The following TAS1R2 variants were observed in gnomAD, a reference collection of about 807,000 sequenced individuals.
TAS1R2 encodes taste 1 receptor member 2.
Under a neutral mutation model 49.3 loss-of-function variants are expected in TAS1R2, and 47 were observed. The ratio of observed to expected loss-of-function variants is 0.95; its 90% CI spans 0.75 to 1.22. The LOEUF (loss-of-function observed/expected upper bound fraction) is 1.22. Ranked by LOEUF, TAS1R2 falls within the 50% of genes most tolerant of loss-of-function variation. The probability of loss-of-function intolerance (pLI) is 0.00; values close to 1 mark genes in which losing one functional copy is unlikely to be tolerated. For missense variants in TAS1R2, 1,155 were observed against 1,122.1 expected (o/e 1.03, Z -0.42); for synonymous variants, 479 against 467.9 (o/e 1.02, Z -0.31).
chr1:18,841,984 G>C, intron 4 of TAS1R2, 132 bp from the exon 5 acceptor site: 112 of 340,542 alleles, frequency 3.3e-4, no homozygotes, highest in Non-Finnish European at 2.9e-4. Flanking sequence ...GGAAACTGTA[G>C]AAAAAAAAAA....
chr1:18,849,877 G>C (rs1933990634), intron 3 of TAS1R2, among the ~76,000 whole-genome samples: 1 of 152,138 alleles, frequency 6.6e-6, no homozygotes, highest in Admixed American at 6.5e-5. Context: ...CAAAAAATAA[G>C]TTCATCTATG....
intron 4 of TAS1R2, among the ~76,000 whole-genome samples, chr1:18,843,008 ATACTT>A (rs1933855363): frequency 6.6e-6 from 1 of 152,254 alleles, no homozygotes; most frequent in African/African-American, 2.4e-5. Flanking sequence ...AGTGAAAACA[ATACTT>A]AAGAGGGAAA....
chr1:18,842,604 C>T (rs920122442), intron 4 of TAS1R2, among the ~76,000 whole-genome samples: 1 of 152,112 alleles, frequency 6.6e-6, no homozygotes, highest in Non-Finnish European at 1.5e-5. Context: ...ACAACATACC[C>T]TTAAATAACA....
intron 2 of TAS1R2, 144 bp from the exon 3 acceptor site, chr1:18,855,130 C>T (rs1934116588): frequency 9.8e-7 from 1 of 1,015,664 alleles, no homozygotes; most frequent in South Asian, 1.7e-5. Context: ...CGTCAATCAT[C>T]ATGGTCCCCA....
chr1:18,848,104 G>C (rs1933954759), intron 4 of TAS1R2, among the ~76,000 whole-genome samples: 1 of 152,150 alleles, frequency 6.6e-6, no homozygotes, highest in Admixed American at 6.6e-5. Flanking sequence ...GATTTGGGTG[G>C]GGACACAGAG....
intron 4 of TAS1R2, among the ~76,000 whole-genome samples, chr1:18,844,376 G>A (rs920489942): frequency 2.6e-5 from 4 of 152,206 alleles, no homozygotes; most frequent in Non-Finnish European, 5.9e-5. Flanking sequence ...ATGAGAGTGA[G>A]CACAAAGCAT....
chr1:18,859,368 A>G, intron 1 of TAS1R2, 111 bp downstream of exon 1: 1 of 1,292,906 alleles, frequency 7.7e-7, no homozygotes, highest in Admixed American at 1.9e-5. Context: ...ATGAATGGGG[A>G]GGAGTGCTTT....
intron 3 of TAS1R2, among the ~76,000 whole-genome samples, chr1:18,852,292 G>A (rs1934043847): frequency 6.6e-6 from 1 of 152,214 alleles, no homozygotes; most frequent in Non-Finnish European, 1.5e-5. Context: ...TGCAGGTTGA[G>A]CCCTTCATGA....
At chr1:18,859,418 A>G in intron 1 of TAS1R2, 61 bp downstream of exon 1, 4 of 1,597,580 alleles carry the variant, frequency 2.5e-6, no homozygotes, top group Non-Finnish European at 3.4e-6. Flanking sequence ...GACCCACAGG[A>G]CCAGGCCTGG....
exon 4 of TAS1R2, chr1:18,849,399 G>T: frequency 6.2e-7 from 1 of 1,614,182 alleles, no homozygotes. Flanking sequence ...TCGCTGCAGG[G>T]GGTAGTAGGA....
At chr1:18,853,635 A>G (rs1934071440) in intron 3 of TAS1R2, among the ~76,000 whole-genome samples, 1 of 152,196 alleles carries the variant, frequency 6.6e-6, no homozygotes, top group African/African-American at 2.4e-5. Context: ...AAACTGTGAA[A>G]AAGCCAAGGA....
At position 18,854,266 on chromosome 1, in the gene TAS1R2, G is replaced by A; in HGVS notation, c.1204C>T (p.Leu402Phe). 1 of 1,614,200 alleles carries A rather than the reference G, an allele frequency of 6.2e-7. No individual in the cohort carries two copies. The highest frequency in any genetic ancestry group is 1.6e-4 in the Middle Eastern group (1 of 6,062). Residue 402 changes from leucine (L) to phenylalanine (F), a missense_variant, in exon 3 of 6, where the codon CTC (leucine) becomes TTC (phenylalanine). Leu to Phe is a conservative substitution (Grantham distance 22). Transcript: ENST00000375371. The surrounding 1 kb of genome is among the most constrained non-coding windows in gnomAD (Gnocchi z 4.9). ...CAGGTGCTTTTGTCACAGCCGAGGAGGCTGTGCAGGGCATGGGCCACAGCA... is the reference window on the plus strand; with the variant it reads ...CAGGTGCTTTTGTCACAGCCGAGGAAGCTGTGCAGGGCATGGGCCACAGCA...
chr1:18,852,929 C>T (rs1934059513), intron 3 of TAS1R2, among the ~76,000 whole-genome samples: 2 of 152,226 alleles, frequency 1.3e-5, no homozygotes, highest in Non-Finnish European at 2.9e-5. Flanking sequence ...AGGCCTGGCA[C>T]ATAGTAGGTG....
At chr1:18,855,056 TCCA>T in intron 2 of TAS1R2, 70 bp from the exon 3 acceptor site, 1 of 1,543,710 alleles carries the variant, frequency 6.5e-7, no homozygotes, top group Non-Finnish European at 8.8e-7. Flanking sequence ...CAGGGCTCTA[TCCA>T]CCATCATCAT....
At chr1:18,859,527 A>G (rs1211459924) in exon 1 of TAS1R2, 8 of 1,614,152 alleles carry the variant, frequency 5.0e-6, no homozygotes, top group Non-Finnish European at 6.8e-6. Context: ...AATGCCCTTC[A>G]TGTTGGCATG....
chr1:18,849,285 G>T, intron 4 of TAS1R2, 56 bp downstream of exon 4: 1 of 1,593,590 alleles, frequency 6.3e-7, no homozygotes, highest in Non-Finnish European at 8.6e-7. Context: ...AGCCACTCCA[G>T]CAAGGGCCCC....
At chr1:18,859,572 G>A in exon 1 of TAS1R2, 1 of 1,614,234 alleles carries the variant, frequency 6.2e-7, no homozygotes, top group Non-Finnish European at 8.5e-7. Context: ...GTAATCCCCA[G>A]GCAGGTAGAA....
chr1:18,854,844 A>G lies in TAS1R2; in HGVS notation c.626T>C (p.Leu209Pro). ...GCGGCCATAGGTGTCGCTGCTCACC[A>G]GCACAATGATCCAGTTCCAGCGGAA... The change falls in exon 3 of 6, where the codon CTG becomes CCG. Residue 209 changes from leucine (L) to proline (P), a missense_variant. By Grantham distance (98) the Leu-to-Pro change is moderately conservative. Transcript: ENST00000375371. The surrounding 1 kb of genome is among the most constrained non-coding windows in gnomAD (Gnocchi z 4.9). 1 of 1,610,034 alleles carries G rather than the reference A, an allele frequency of 6.2e-7. No individual in the cohort carries two copies. Among genetic ancestry groups the G allele is most frequent in the Non-Finnish European group, 8.5e-7 (1 of 1,179,776 alleles).
intron 3 of TAS1R2, among the ~76,000 whole-genome samples, chr1:18,850,296 A>G (rs1933998031): frequency 6.6e-6 from 1 of 152,174 alleles, no homozygotes; most frequent in Non-Finnish European, 1.5e-5. Flanking sequence ...CAGCTCAAAT[A>G]TCCCATGGAC....
Sources: allele counts gnomAD v4.1 joint callset (sites outside exome capture counted in the v4.1 genomes callset), GRCh38; gene constraint gnomAD v4.1.1; non-coding constraint Gnocchi (gnomAD v3.1); transcripts MANE v1.5; gene names NCBI Gene and HGNC (gene_info 2026-07-23, HGNC 2026-07-21).